Variants in DDX24 observed in about 807,000 individuals in gnomAD.
DDX24 encodes the protein DEAD-box helicase 24.
Under a neutral mutation model 68.9 loss-of-function variants are expected in DDX24, and 24 were observed. The ratio of observed to expected loss-of-function variants is 0.35; its 90% CI spans 0.25 to 0.49. The LOEUF is 0.49. Among genes scored for constraint, DDX24 ranks in the 20% least tolerant of loss-of-function variants. The pLI, the probability that DDX24 is intolerant of heterozygous loss-of-function variation, is 0.99. For synonymous variants in DDX24, 395 were observed against 385.2 expected (o/e 1.03, Z -0.30); for missense variants, 989 against 1,039.0 (o/e 0.95, Z 0.66).
chr14:94,058,476 C>A (rs1380284602), intron 5 of DDX24, among the ~76,000 whole-genome samples: 2 of 152,186 alleles, frequency 1.3e-5, no homozygotes, highest in East Asian at 1.9e-4. Flanking sequence ...GATCACTTGG[C>A]AGACTGTGGG....
intron 8 of DDX24, chr14:94,051,664 G>C: frequency 2.0e-6 from 1 of 499,352 alleles, no homozygotes; most frequent in Non-Finnish European, 3.4e-6. Context: ...ACACAGGACC[G>C]CTCTGTCCTT....
At chr14:94,061,471 T>A (rs1455117779) in intron 3 of DDX24, among the ~76,000 whole-genome samples, 1 of 152,154 alleles carries the variant, frequency 6.6e-6, no homozygotes, top group African/African-American at 2.4e-5. Context: ...TTCTGAAAGG[T>A]CCACTAATGC....
rs1367203696 is a variant in DDX24 at position 94,051,313 on chromosome 14, C to G, written c.2458G>C (p.Val820Leu). ...GACTCGCTCTTACTTGGGGCAGACA[C>G]AAGCAGGGGCGGCTTGCCAGACTGA... ...PTQSGKPPLL[V>L]SAPSKSESAL... is the part of the protein sequence containing the mutation. The change falls in exon 9 of 9, where the codon GTG (valine) becomes CTG (leucine). Residue 820 changes from valine (V) to leucine (L), a missense_variant. Coordinates refer to ENST00000621632, the MANE Select transcript of DDX24 (RefSeq NM_020414.4). 6.2e-7 allele frequency: 1 copy of G among 1,613,318 alleles called. No individual in the cohort carries two copies.
chr14:94,065,044 G>C (rs1023679098), intron 2 of DDX24, among the ~76,000 whole-genome samples: 1 of 139,542 alleles, frequency 7.2e-6, no homozygotes, highest in Non-Finnish European at 1.5e-5. Context: ...GTGTTCTGTG[G>C]GTAGAAAATC....
chr14:94,075,430 G>A (rs1257025643), intron 2 of DDX24, among the ~76,000 whole-genome samples: 1 of 152,152 alleles, frequency 6.6e-6, no homozygotes, highest in Non-Finnish European at 1.5e-5. Flanking sequence ...AAATGGTGCT[G>A]AAATAATTAG....
intron 2 of DDX24, among the ~76,000 whole-genome samples, chr14:94,064,468 C>T (rs1885659333): frequency 6.6e-6 from 1 of 152,214 alleles, no homozygotes; most frequent in Non-Finnish European, 1.5e-5. Context: ...TGCCTCTCCC[C>T]ACCAACCTCC....
intron 7 of DDX24, 27 bp from the exon 8 acceptor site, chr14:94,053,154 A>T (rs768884439): frequency 1.9e-6 from 3 of 1,613,582 alleles, no homozygotes; most frequent in African/African-American, 1.3e-5. Flanking sequence ...GAAAATATTC[A>T]TCTGAAATAG....
At chr14:94,080,880 C>G (rs1024330179) in intron 1 of DDX24, among the ~76,000 whole-genome samples, 1 of 152,172 alleles carries the variant, frequency 6.6e-6, no homozygotes, top group African/African-American at 2.4e-5. Context: ...CACGAACGCG[C>G]GCACGAAACC....
chr14:94,062,044 C>T (rs1351009973), intron 3 of DDX24, 53 bp downstream of exon 3: 5 of 1,520,828 alleles, frequency 3.3e-6, no homozygotes, highest in South Asian at 1.3e-5. Flanking sequence ...TCTTTACCAA[C>T]GAGCATTTGG....
chr14:94,063,660 G>A (rs1885641045), intron 2 of DDX24, among the ~76,000 whole-genome samples: 1 of 152,238 alleles, frequency 6.6e-6, no homozygotes, highest in African/African-American at 2.4e-5. Flanking sequence ...CAGGCATGGT[G>A]GCTCATGCCT....
intron 6 of DDX24, chr14:94,056,604 GTT>G (rs986202227): frequency 2.2e-5 from 3 of 135,778 alleles, no homozygotes; most frequent in African/African-American, 7.8e-5. Flanking sequence ...TGGTAAATGT[GTT>G]TCTTTTAGTT....
intron 5 of DDX24, 24 bp from the exon 6 acceptor site, chr14:94,057,921 TTAA>T (rs767387905): frequency 5.0e-6 from 8 of 1,608,370 alleles, no homozygotes; most frequent in Admixed American, 1.7e-5. Context: ...AGAAAGCTTA[TTAA>T]TAATAACTAA....
chr14:94,060,007 G>C, intron 5 of DDX24, 91 bp downstream of exon 5: 1 of 1,451,026 alleles, frequency 6.9e-7, no homozygotes, highest in Non-Finnish European at 9.2e-7. Flanking sequence ...TATGACAGAA[G>C]GTGGCTTTTC....
In DDX24 at chr14:94,057,866, GA is replaced by G. The variant is rs1885519098; in HGVS notation, c.1944del (p.Arg649GlyfsTer40). The part of the protein sequence containing the change: ...DCVLLATDVA[A>X]RGLDIPKVQH... The stretch of plus-strand genomic sequence containing the variant: ...TGGACTTTAGGAATATCCAGACCCC[GA>G]GCTGCCACATCTGTTGCCAAGAGAA... On this transcript the variant is annotated frameshift_variant, in exon 6 of 9. Coordinates refer to ENST00000621632, the MANE Select transcript of DDX24 (RefSeq NM_020414.4). LOFTEE classifies it high-confidence loss of function. The G allele has an allele frequency of 6.2e-7, 1 of 1,613,746 alleles. No individual in the cohort carries two copies. The highest frequency in any genetic ancestry group is 1.3e-5 in the African/African-American group (1 of 74,856).
Position 94,050,786 on chromosome 14 carries a change from CA to C in DDX24, c.*404del, listed in dbSNP as rs753167260. On this transcript the variant is annotated 3_prime_UTR_variant, in exon 9 of 9. Transcript: ENST00000621632. ...TCTTGGCCTGCAGCCAGAGGCCTGA[CA>C]CTATTCCTGTCCTTTCAAGGGCTTA... The C allele has an allele frequency of 1.1e-5, 2 of 174,772 alleles. No homozygotes were observed. The highest frequency in any genetic ancestry group is 2.4e-5 in the Non-Finnish European group (2 of 84,080). 10.8% of individuals were successfully genotyped at this position (174,772 alleles called of 1,614,324 possible).
chr14:94,055,274 T>A, intron 6 of DDX24, 90 bp from the exon 7 acceptor site: 2 of 1,353,176 alleles, frequency 1.5e-6, no homozygotes, highest in South Asian at 2.7e-5. Context: ...CAGACCCTCC[T>A]ACCTCCCAGC....
chr14:94,060,155 G>A lies in DDX24; in HGVS notation c.1856C>T (p.Ala619Val). The change falls in exon 5 of 9, where the codon GCC becomes GTC. Residue 619 changes from alanine to valine, a missense_variant. By Grantham distance (64) the Ala-to-Val change is moderately conservative. Around this residue, in one of 3 missense-constraint regions of DDX24, gnomAD observed 691 missense variants for 760.0 expected, o/e 0.91. Coordinates refer to ENST00000621632, the MANE Select transcript of DDX24 (RefSeq NM_020414.4). ...GAGCCTCTGCTTCTGGTGCATACAG[G>A]CATGCAGGGTCAAGGGCATGATATC... ...VLDIMPLTLH[A>V]CMHQKQRLRN... 1 of 1,614,176 alleles carries A rather than the reference G, an allele frequency of 6.2e-7. No homozygotes were observed. Among genetic ancestry groups the A allele is most frequent in the Non-Finnish European group, 8.5e-7 (1 of 1,180,028 alleles).
intron 2 of DDX24, among the ~76,000 whole-genome samples, chr14:94,076,357 T>C (rs1003208186): frequency 6.6e-6 from 1 of 152,124 alleles, no homozygotes; most frequent in Non-Finnish European, 1.5e-5. Context: ...CTCCAGTACA[T>C]ATTATATGAT....
At chr14:94,057,455 T>C (rs1456437517) in intron 6 of DDX24, 1 of 200,864 alleles carries the variant, frequency 5.0e-6, no homozygotes, top group African/African-American at 2.3e-5. Flanking sequence ...TTGTTCAAGG[T>C]TACACAGCTG....
Sources: gnomAD v4.1 joint callset for allele counts (sites outside exome capture counted in the v4.1 genomes callset) on GRCh38, gnomAD v4.1.1 for gene constraint, gnomAD v4.1.1 regional missense constraint, MANE v1.5 for transcripts, NCBI Gene and HGNC (gene_info 2026-07-23, HGNC 2026-07-21) for gene names.